WDR59: variants seen among roughly 807,000 people sequenced by gnomAD.
WDR59 encodes the protein WD repeat domain 59, also known as GATOR2 complex protein WDR59.
Under a neutral mutation model 131.2 loss-of-function variants are expected in WDR59, and 100 were observed. That is an observed-to-expected ratio of 0.76 (90% CI 0.65 to 0.90). The LOEUF (loss-of-function observed/expected upper bound fraction) is 0.90. Among genes scored for constraint, WDR59 ranks in the 40% least tolerant of loss-of-function variants. The pLI is 0.00. For missense variants in WDR59, 1,203 were observed against 1,262.2 expected, an observed-to-expected ratio of 0.95 and a Z score of 0.71; for synonymous variants, 601 against 466.2, an observed-to-expected ratio of 1.29 and a Z score of -3.72.
intron 18 of WDR59, 22 bp from the exon 19 acceptor site, chr16:74,893,834 T>A (rs1220548374): frequency 1.2e-6 from 2 of 1,612,608 alleles, no homozygotes; most frequent in Non-Finnish European, 8.5e-7. Context: ...TGACAGGATG[T>A]AACTAATGGG....
chr16:74,922,134 A>G, intron 9 of WDR59, 31 bp from the exon 10 acceptor site: 13 of 1,612,492 alleles, frequency 8.1e-6, no homozygotes, highest in Non-Finnish European at 1.1e-5. Context: ...GCAGGTGATT[A>G]GATTATTTCA....
rs1243920785 is a variant in WDR59 at position 74,873,941 on chromosome 16, C to T, written c.*268G>A. On this transcript the variant is annotated 3_prime_UTR_variant, in exon 26 of 26. Coordinates refer to ENST00000262144, the MANE Select transcript of WDR59 (RefSeq NM_030581.4). ...GTGCTTTTCTCCATGAAAACTTCCA[C>T]CTTGGTAGCTCAGCCGACATAGACA... 2.9e-5 allele frequency: 13 copies of T among 444,204 alleles called. No individual in the cohort carries two copies. The highest frequency in any genetic ancestry group is 4.1e-5 in the Non-Finnish European group (10 of 243,500). 27.5% of individuals were successfully genotyped at this position (444,204 alleles called of 1,614,324 possible).
intron 1 of WDR59, among the ~76,000 whole-genome samples, chr16:74,981,638 ATATATATATATATATATATATATTT>A (rs1292948155): frequency 1.8e-3 from 12 of 6,630 alleles, no homozygotes; most frequent in African/African-American, 2.7e-3. Flanking sequence ...ATATATATAT[ATATATATATATATATATATATATTT>A]TTTTTTTTTT....
chr16:74,984,167 C>T lies in WDR59; in HGVS notation c.54+797G>A, dbSNP rs2034534629. On this transcript the variant is annotated intron_variant, in intron 1 of 25. Transcript: ENST00000262144. Reference sequence around the variant, plus strand: ...TGGTGCGCACCTGTAATCCCAGCTACTTGGGAGGCTGAGGCAGGAGAATTG... The same window carrying T: ...TGGTGCGCACCTGTAATCCCAGCTATTTGGGAGGCTGAGGCAGGAGAATTG... Among the ~76,000 whole-genome samples, 7 of 152,122 alleles carry T rather than the reference C, an allele frequency of 4.6e-5. No individual in the cohort carries two copies. In the South Asian group the frequency reaches 1.5e-3, roughly 32 times the overall value.
At chr16:74,963,598 G>C (rs1366793587) in intron 2 of WDR59, among the ~76,000 whole-genome samples, 1 of 152,080 alleles carries the variant, frequency 6.6e-6, no homozygotes, top group African/African-American at 2.4e-5. Flanking sequence ...GGGGGGCCAG[G>C]GGGAGGGAGA....
At chr16:74,965,986 C>T (rs2033759951) in intron 1 of WDR59, among the ~76,000 whole-genome samples, 164 bp from the exon 2 acceptor site, 2 of 152,152 alleles carry the variant, frequency 1.3e-5, no homozygotes, top group Non-Finnish European at 2.9e-5. Context: ...TTCTAATTTA[C>T]AACCCAATTC....
In WDR59 at chr16:74,889,808, G is replaced by A. The variant is rs751221419; in HGVS notation, c.2090C>T (p.Ser697Leu). 2.2e-5 allele frequency: 36 copies of A among 1,613,550 alleles called. No homozygotes were observed. Among genetic ancestry groups the A allele is most frequent in the East Asian group, 4.5e-5 (2 of 44,896 alleles). Residue 697 changes from serine (S) to leucine (L), a missense_variant, in exon 21 of 26, where the codon TCG (serine) becomes TTG (leucine). By Grantham distance (145) the Ser-to-Leu change is moderately radical. Coordinates refer to ENST00000262144, the MANE Select transcript of WDR59 (RefSeq NM_030581.4). ...AAGATCTGTAGCTACCGTAGCCAGCGACCAAACCTGGACAGATCAAAGAGA... is the reference window on the plus strand; with the variant it reads ...AAGATCTGTAGCTACCGTAGCCAGCAACCAAACCTGGACAGATCAAAGAGA... ...VGRKDLVQVW[S>L]LATVATDLCL...
chr16:74,928,344 G>A (rs2031059278), intron 8 of WDR59, among the ~76,000 whole-genome samples: 1 of 151,608 alleles, frequency 6.6e-6, no homozygotes, highest in African/African-American at 2.4e-5. Context: ...AGCCTTGTGA[G>A]TAGATGGGAC....
chr16:74,956,582 C>G lies in WDR59; in HGVS notation c.133G>C (p.Asp45His). The G allele has an allele frequency of 6.2e-7, 1 of 1,614,086 alleles. No individual in the cohort carries two copies. Among genetic ancestry groups the G allele is most frequent in the Non-Finnish European group, 8.5e-7 (1 of 1,180,012 alleles). Residue 45 changes from aspartate to histidine, a missense_variant, in exon 3 of 26, where the codon GAT becomes CAT. By Grantham distance (81) the Asp-to-His change is moderately conservative. Coordinates refer to ENST00000262144, the MANE Select transcript of WDR59 (RefSeq NM_030581.4). ...TTTCGGTGACCTTCGAAAGGGGCAT[C>G]TAGATTGACGATGTATAAGAATCTG... ...GRRFLYIVNL[D>H]APFEGHRKIS...
chr16:74,916,131 T>C lies in WDR59; in HGVS notation c.1095A>G (p.Glu365=). 3.1e-6 allele frequency: 5 copies of C among 1,614,174 alleles called. No homozygotes were observed. The highest frequency in any genetic ancestry group is 3.4e-6 in the Non-Finnish European group (4 of 1,180,020). The part of the protein sequence containing the change: ...DHQHTASHGE[E]EALKEDPPRN... ...GACATCAGTTTGACAAATTACCTTC[T>C]TCCTCCCCATGGCTTGCAGTGTGCT... The change falls in exon 12 of 26, where the codon GAA becomes GAG. Residue 365 remains glutamate (E), a synonymous_variant. Transcript: ENST00000262144.
chr16:74,951,593 T>A (rs2033003983), intron 3 of WDR59, 50 bp from the exon 4 acceptor site: 2 of 1,505,510 alleles, frequency 1.3e-6, no homozygotes, highest in South Asian at 2.4e-5. Context: ...GGATATATGG[T>A]CTTGCCCCAA....
chr16:74,901,684 A>C (rs533485182), intron 18 of WDR59, among the ~76,000 whole-genome samples: 2 of 152,176 alleles, frequency 1.3e-5, no homozygotes, highest in Non-Finnish European at 2.9e-5. Context: ...AAACCACAAA[A>C]CACAAACAGA....
At chr16:74,897,049 T>C (rs1260159135) in intron 18 of WDR59, among the ~76,000 whole-genome samples, 1 of 152,250 alleles carries the variant, frequency 6.6e-6, no homozygotes, top group East Asian at 1.9e-4. Context: ...AAGCTCCCTG[T>C]TAATATGGAA....
At chr16:74,925,288 C>A (rs1327389696) in intron 8 of WDR59, among the ~76,000 whole-genome samples, 1 of 152,134 alleles carries the variant, frequency 6.6e-6, no homozygotes, top group Non-Finnish European at 1.5e-5. Context: ...GTAATCCCAG[C>A]ACTTTGGGAG....
chr16:74,918,152 C>T, intron 10 of WDR59, 144 bp from the exon 11 acceptor site: 1 of 700,256 alleles, frequency 1.4e-6, no homozygotes, highest in South Asian at 1.8e-5. Flanking sequence ...TTCTAGGTAC[C>T]AGGACTACAG....
At chr16:74,921,084 ATTTT>A (rs869102716) in intron 10 of WDR59, among the ~76,000 whole-genome samples, 1 of 151,764 alleles carries the variant, frequency 6.6e-6, no homozygotes, top group Admixed American at 6.6e-5. Flanking sequence ...GTAAAAAAAA[ATTTT>A]TTTTTATTTA....
At chr16:74,984,590 T>C (rs988531910) in intron 1 of WDR59, 1 of 286,058 alleles carries the variant, frequency 3.5e-6, no homozygotes, top group East Asian at 7.1e-5. Context: ...CTTAGAAAAG[T>C]CCCGCGACTT....
At chr16:74,876,162 G>A (rs1032334290) in intron 25 of WDR59, among the ~76,000 whole-genome samples, 3 of 152,070 alleles carry the variant, frequency 2.0e-5, no homozygotes, top group Non-Finnish European at 4.4e-5. Context: ...GAAAAAAAAG[G>A]CCAATAAAAA....
At position 74,983,692 on chromosome 16, in the gene WDR59, G is replaced by C. The variant is rs764494136; in HGVS notation, c.54+1272C>G. 2.6e-5 allele frequency among the ~76,000 whole-genome samples: 4 copies of C among 151,904 alleles called. No individual in the cohort carries two copies. In the East Asian group the frequency reaches 7.8e-4, roughly 30 times the overall value. The stretch of plus-strand genomic sequence containing the variant: ...ATACAACCACATAAAATCTTCACTC[G>C]AGGCTGTGCTCAGTGAATCACACCT... On this transcript the variant is annotated intron_variant, in intron 1 of 25. Transcript: ENST00000262144.
Sources: allele counts gnomAD v4.1 joint callset (sites outside exome capture counted in the v4.1 genomes callset), GRCh38; gene constraint gnomAD v4.1.1; transcripts MANE v1.5; gene names NCBI Gene and HGNC (gene_info 2026-07-23, HGNC 2026-07-21).